Variants in DMD observed in about 807,000 individuals in gnomAD.
DMD encodes the protein dystrophin, also known as mutant dystrophin.
DMD carries 63 observed loss-of-function variants against 330.1 expected under a neutral mutation model. The ratio of observed to expected loss-of-function variants is 0.19; its 90% CI spans 0.16 to 0.24. The LOEUF is 0.24. Among genes scored for constraint, DMD ranks in the 10% least tolerant of loss-of-function variants. DMD has a pLI of 1.00. For synonymous variants in DMD, 1,223 were observed against 959.8 expected, an observed-to-expected ratio of 1.27 and a Z score of -5.07; for missense variants, 3,344 against 2,684.1, an observed-to-expected ratio of 1.25 and a Z score of -5.43.
chrX:33,136,596 G>A (rs938751307), intron 1 of DMD, among the ~76,000 whole-genome samples: 2 of 109,786 alleles, frequency 1.8e-5, no homozygotes, highest in African/African-American at 3.3e-5. Flanking sequence ...TCATATAAGC[G>A]GAGCCCTCAT....
intron 53 of DMD, among the ~76,000 whole-genome samples, chrX:31,676,291 T>C (rs1464841409): frequency 8.9e-6 from 1 of 112,344 alleles, no homozygotes; most frequent in Non-Finnish European, 1.9e-5. Context: ...TTTTAAGTAA[T>C]AAGCCAGCTA....
chrX:33,322,835 TG>T (rs1290944300), intron 1 of DMD, among the ~76,000 whole-genome samples: 5 of 111,957 alleles, frequency 4.5e-5, no homozygotes, highest in Non-Finnish European at 7.5e-5. Flanking sequence ...ATATGATAGT[TG>T]AATTCATAAG....
intron 63 of DMD, among the ~76,000 whole-genome samples, chrX:31,223,662 G>C (rs1380163529): frequency 1.8e-5 from 2 of 111,766 alleles, no homozygotes; most frequent in Non-Finnish European, 3.8e-5. Flanking sequence ...GGCACAACTG[G>C]CTGGATTCAG....
At chrX:32,781,673 C>G (rs2074775597) in intron 7 of DMD, among the ~76,000 whole-genome samples, 1 of 110,226 alleles carries the variant, frequency 9.1e-6, no homozygotes, top group Non-Finnish European at 1.9e-5. Flanking sequence ...CCCAGACATA[C>G]TACATTCGTC....
At chrX:33,187,817 A>G (rs756993804) in intron 1 of DMD, among the ~76,000 whole-genome samples, 4 of 111,773 alleles carry the variant, frequency 3.6e-5, no homozygotes, top group African/African-American at 1.3e-4. Flanking sequence ...TTACATATGT[A>G]TTGGTAGATT....
At chrX:31,209,812 C>T in intron 64 of DMD, 113 bp from the exon 65 acceptor site, 1 of 684,848 alleles carries the variant, frequency 1.5e-6, no homozygotes, top group African/African-American at 2.1e-5. Context: ...TAATAAACAC[C>T]AAACGTGAAC....
chrX:32,230,406 G>A (rs1172220481), intron 43 of DMD, among the ~76,000 whole-genome samples: 2 of 110,914 alleles, frequency 1.8e-5, no homozygotes, highest in African/African-American at 6.5e-5. Context: ...CACCACGCCC[G>A]GCTAATTTTT....
At position 31,176,076 on chromosome X, in the gene DMD, G is replaced by A. The variant is rs945279152; in HGVS notation, c.10262+1856C>T. On this transcript the variant is annotated intron_variant, in intron 71 of 78. Transcript: ENST00000357033. ...ATACAAGTCTTGCAAAATGAAACAC[G>A]TTAGGACCTGGCTCTTATGCCTGAA... Among the ~76,000 whole-genome samples, 7 of 111,206 alleles carry A rather than the reference G, an allele frequency of 6.3e-5. No individual in the cohort carries two copies. The Admixed American group carries it at 6.7e-4, about 11-fold the overall frequency.
intron 9 of DMD, among the ~76,000 whole-genome samples, chrX:32,689,729 C>G (rs146275485): frequency 1.1e-3 from 124 of 110,875 alleles, no homozygotes; most frequent in African/African-American, 4.0e-3. Flanking sequence ...CCTTGGGATA[C>G]AAGGATGGTT....
intron 41 of DMD, among the ~76,000 whole-genome samples, chrX:32,322,243 GTTAT>G (rs1290937269): frequency 9.0e-6 from 1 of 111,450 alleles, no homozygotes; most frequent in Non-Finnish European, 1.9e-5. Flanking sequence ...ATATTAATTG[GTTAT>G]TTAAAACGTT....
intron 43 of DMD, among the ~76,000 whole-genome samples, chrX:32,250,604 T>C (rs1381882155): frequency 8.9e-6 from 1 of 112,100 alleles, no homozygotes; most frequent in Non-Finnish European, 1.9e-5. Flanking sequence ...ACTCTGGACA[T>C]GACGGAAACA....
At chrX:31,253,580 AAG>A (rs1444343859) in intron 63 of DMD, among the ~76,000 whole-genome samples, 2 of 111,905 alleles carry the variant, frequency 1.8e-5, no homozygotes, top group African/African-American at 6.5e-5. Context: ...AAGCTGAGGA[AAG>A]AGGTACAAGG....
intron 45 of DMD, among the ~76,000 whole-genome samples, chrX:31,960,263 A>G (rs1192105321): frequency 1.8e-5 from 2 of 110,978 alleles, no homozygotes; most frequent in Non-Finnish European, 3.8e-5. Context: ...CATACTCTCA[A>G]ATGGTGGGAG....
chrX:32,929,037 G>T (rs986551068), intron 2 of DMD, among the ~76,000 whole-genome samples: 2 of 111,049 alleles, frequency 1.8e-5, no homozygotes, highest in South Asian at 7.8e-4. Context: ...ATGGAGAAAG[G>T]AATACAAAAA....
chrX:32,544,760 C>A (rs2048810336), intron 17 of DMD, among the ~76,000 whole-genome samples: 1 of 108,636 alleles, frequency 9.2e-6, no homozygotes. Flanking sequence ...AGGTGTACTT[C>A]TTCATGAAAA....
At chrX:32,958,843 A>G (rs1292418916) in intron 2 of DMD, among the ~76,000 whole-genome samples, 1 of 110,876 alleles carries the variant, frequency 9.0e-6, no homozygotes, top group Non-Finnish European at 1.9e-5. Context: ...TTACATTATT[A>G]CGATTGCAAT....
chrX:32,998,638 T>C (rs2093193361), intron 2 of DMD, among the ~76,000 whole-genome samples: 2 of 82,286 alleles, frequency 2.4e-5, no homozygotes, highest in African/African-American at 7.4e-5. Flanking sequence ...CATTTGCATA[T>C]ATATGTTTAT....
intron 1 of DMD, chrX:33,041,615 C>T (rs751695969): frequency 3.7e-4 from 442 of 1,207,883 alleles, no homozygotes; most frequent in Non-Finnish European, 4.8e-4. Context: ...TTGGAAGCCG[C>T]ATATTTGGAT....
intron 60 of DMD, among the ~76,000 whole-genome samples, chrX:31,440,586 T>A (rs1032955902): frequency 1.8e-5 from 2 of 112,339 alleles, no homozygotes; most frequent in African/African-American, 6.5e-5. Context: ...GTACTTCATG[T>A]TTCTAAGCCT....
Sources: gnomAD v4.1 joint callset for allele counts (sites outside exome capture counted in the v4.1 genomes callset) on GRCh38, gnomAD v4.1.1 for gene constraint, MANE v1.5 for transcripts, NCBI Gene and HGNC (gene_info 2026-07-23, HGNC 2026-07-21) for gene names.